SPATA24: variants seen among roughly 807,000 people sequenced by gnomAD.
SPATA24 encodes the protein spermatogenesis associated 24.
A neutral mutation model predicts 28.9 loss-of-function variants in SPATA24; 21 were observed. That is an observed-to-expected ratio of 0.73 (90% confidence interval 0.52 to 1.05). SPATA24 has a LOEUF of 1.05. Ranked by LOEUF, SPATA24 falls within the 50% of genes least tolerant of loss-of-function variation. The pLI is 0.00. For missense variants in SPATA24, 215 were observed against 242.9 expected (o/e 0.88, Z 0.76); for synonymous variants, 76 against 89.9 (o/e 0.85, Z 0.88).
downstream of SPATA24, chr5:139,393,971 G>A (rs777761279): frequency 1.5e-5 from 24 of 1,550,478 alleles, no homozygotes; most frequent in Non-Finnish European, 1.7e-5. Context: ...GGCGGACTCC[G>A]TGCCCTCTGA....
At chr5:139,403,532 G>T (rs1363326038) in intron 1 of SPATA24, among the ~76,000 whole-genome samples, 1 of 152,220 alleles carries the variant, frequency 6.6e-6, no homozygotes, top group Non-Finnish European at 1.5e-5. Flanking sequence ...GCGCTGGCAA[G>T]GGCCAAATCT....
chr5:139,396,996 TC>T, intron 5 of SPATA24, 44 bp downstream of exon 5: 1 of 1,551,582 alleles, frequency 6.4e-7, no homozygotes, highest in Non-Finnish European at 8.7e-7. Flanking sequence ...GAGGTCTGGC[TC>T]CCCAGTGTCA....
intron 4 of SPATA24, among the ~76,000 whole-genome samples, chr5:139,400,963 C>T (rs1435531273): frequency 2.6e-5 from 4 of 151,930 alleles, no homozygotes; most frequent in African/African-American, 4.8e-5. Context: ...TCGAGACCAG[C>T]CTGACCAACA....
intron 4 of SPATA24, chr5:139,401,443 A>G (rs1444202441): frequency 1.6e-6 from 1 of 607,140 alleles, no homozygotes; most frequent in Non-Finnish European, 2.9e-6. Context: ...TTCCTCTTGT[A>G]TCAGTTAGGA....
intron 1 of SPATA24, among the ~76,000 whole-genome samples, chr5:139,403,515 T>C (rs989754368): frequency 1.3e-5 from 2 of 152,230 alleles, no homozygotes; most frequent in African/African-American, 4.8e-5. Flanking sequence ...TGGAGGCCCC[T>C]AAGTTAGCGC....
At chr5:139,395,390 A>G, downstream of SPATA24, 2 of 324,194 alleles carry the variant, frequency 6.2e-6, no homozygotes, top group Non-Finnish European at 1.1e-5. Context: ...GCCAGGAGTT[A>G]GGCCCAACTC....
chr5:139,394,483 G>A, downstream of SPATA24: 1 of 1,422,880 alleles, frequency 7.0e-7, no homozygotes, highest in Non-Finnish European at 9.1e-7. Flanking sequence ...CCGGGGCCTG[G>A]CGGGCGCGGC....
At chr5:139,394,718 C>G (rs73255289), downstream of SPATA24, 1 of 1,531,634 alleles carries the variant, frequency 6.5e-7, no homozygotes, top group Non-Finnish European at 8.7e-7. Context: ...CCGGAGCAGC[C>G]GAACAGGGGT....
chr5:139,397,709 C>T (rs1424575795), intron 4 of SPATA24, among the ~76,000 whole-genome samples: 1 of 152,144 alleles, frequency 6.6e-6, no homozygotes, highest in Non-Finnish European at 1.5e-5. Context: ...CGCCTGCCAC[C>T]ACGCCCAGCT....
At chr5:139,402,128 G>A in intron 2 of SPATA24, 83 bp from the exon 3 acceptor site, 1 of 1,474,812 alleles carries the variant, frequency 6.8e-7, no homozygotes, top group Non-Finnish European at 9.0e-7. Flanking sequence ...CCTTCTCAGA[G>A]GGACACACAG....
downstream of SPATA24, chr5:139,394,758 C>A: frequency 3.3e-6 from 5 of 1,532,508 alleles, no homozygotes; most frequent in Non-Finnish European, 4.4e-6. Context: ...CCATCTCCCC[C>A]GACGGCAGCG....
At chr5:139,395,040 C>A (rs918577635), downstream of SPATA24, 1 of 1,428,382 alleles carries the variant, frequency 7.0e-7, no homozygotes, top group Non-Finnish European at 9.2e-7. Flanking sequence ...GCAGCTGCCT[C>A]GGGATCCCAG....
intron 4 of SPATA24, 32 bp from the exon 5 acceptor site, chr5:139,397,175 G>T (rs764284376): frequency 1.8e-5 from 28 of 1,517,340 alleles, no homozygotes; most frequent in Middle Eastern, 3.4e-4. Context: ...AGGAGGGGTG[G>T]TTCCCATCCC....
intron 1 of SPATA24, 98 bp downstream of exon 1, chr5:139,403,846 G>T (rs928882914): frequency 1.9e-6 from 2 of 1,074,544 alleles, no homozygotes; most frequent in African/African-American, 3.1e-5. Context: ...TGGGCCATGC[G>T]TTCTAGCCAC....
At chr5:139,399,970 C>T (rs1758788523) in intron 4 of SPATA24, among the ~76,000 whole-genome samples, 1 of 152,118 alleles carries the variant, frequency 6.6e-6, no homozygotes, top group Non-Finnish European at 1.5e-5. Flanking sequence ...AAGGGGATGC[C>T]CAGGGAGAGG....
intron 4 of SPATA24, among the ~76,000 whole-genome samples, chr5:139,399,316 CAAAA>C (rs1435847293): frequency 3.4e-5 from 2 of 59,082 alleles, no homozygotes; most frequent in Non-Finnish European, 3.4e-5. Context: ...GACTCCATCT[CAAAA>C]AAAAAAAAAA....
intron 2 of SPATA24, 74 bp from the exon 3 acceptor site, chr5:139,402,119 C>G: frequency 8.7e-6 from 13 of 1,493,768 alleles, no homozygotes; most frequent in Non-Finnish European, 1.2e-5. Flanking sequence ...ACCAGCCCCC[C>G]TTCTCAGAGG....
chr5:139,393,912 T>C (rs1170676762), downstream of SPATA24: 23 of 1,550,930 alleles, frequency 1.5e-5, no homozygotes, highest in Non-Finnish European at 1.9e-5. Flanking sequence ...ACGGGCTCCT[T>C]GGCCTCACAG....
Position 139,396,898 on chromosome 5 carries a change from G to T in SPATA24, c.520C>A (p.Gln174Lys), listed in dbSNP as rs1177048619. Reference sequence around the variant, plus strand: ...ACCTGGGCCATGTAGCTCTCCTGCTGCTTCTGGATCCGGAAGTCAGACATG... The same window carrying T: ...ACCTGGGCCATGTAGCTCTCCTGCTTCTTCTGGATCCGGAAGTCAGACATG... ...NHMSDFRIQK[Q>K]QESYMAQVLD... Residue 174 changes from glutamine to lysine, a missense_variant, in exon 6 of 6, where the codon CAG becomes AAG. Coordinates refer to ENST00000450845, the MANE Select transcript of SPATA24 (RefSeq NM_194296.2). 1 of 1,551,680 alleles carries T rather than the reference G, an allele frequency of 6.4e-7. No individual in the cohort carries two copies. Among genetic ancestry groups the T allele is most frequent in the South Asian group, 1.2e-5 (1 of 84,056 alleles).
Sources: allele counts gnomAD v4.1 joint callset (sites outside exome capture counted in the v4.1 genomes callset), GRCh38; gene constraint gnomAD v4.1.1; transcripts MANE v1.5; gene names NCBI Gene and HGNC (gene_info 2026-07-23, HGNC 2026-07-21).